TMEM132A: variants seen among roughly 807,000 people sequenced by gnomAD.
The protein encoded by TMEM132A is transmembrane protein 132A, also known as GRP78-binding protein.
TMEM132A carries 48 observed loss-of-function variants against 69.9 expected under a neutral mutation model. That is an observed-to-expected ratio of 0.69 (90% CI 0.55 to 0.87). The LOEUF (loss-of-function observed/expected upper bound fraction) is 0.87, where lower values mean the gene tolerates loss of function less well. Ranked by LOEUF, TMEM132A falls within the 40% of genes least tolerant of loss-of-function variation. TMEM132A has a pLI of 0.00. For synonymous variants in TMEM132A, 577 were observed against 613.7 expected, an observed-to-expected ratio of 0.94 and a Z score of 0.88; for missense variants, 1,287 against 1,407.2, an observed-to-expected ratio of 0.91 and a Z score of 1.37.
chr11:60,929,882 G>GA (rs1856438375), intron 4 of TMEM132A, among the ~76,000 whole-genome samples: 1 of 107,058 alleles, frequency 9.3e-6, no homozygotes, highest in African/African-American at 3.4e-5. Flanking sequence ...GCAAGGGCCA[G>GA]TCCCTATCTG....
At position 60,936,506 on chromosome 11, in the gene TMEM132A, C is replaced by A. The variant is rs770208171; in HGVS notation, c.2671C>A (p.Gln891Lys). 1.9e-6 allele frequency: 3 copies of A among 1,613,974 alleles called. No individual in the cohort carries two copies. The highest frequency in any genetic ancestry group is 2.7e-5 in the African/African-American group (2 of 74,950). Residue 891 changes from glutamine (Q) to lysine (K), a missense_variant, in exon 11 of 11, where the codon CAG (glutamine) becomes AAG (lysine). Coordinates refer to ENST00000453848, the MANE Select transcript of TMEM132A (RefSeq NM_178031.3). ...CAGTGCCACTGACCCCACCTCCCCC[C>A]AGCCCCACAACTGGGTCTGGCTGGG... is the stretch of plus-strand genomic sequence containing the variant. ...PDSATDPTSPQPHNWVWLGTD... is the reference protein window; with the variant it reads ...PDSATDPTSPKPHNWVWLGTD...
rs1230918644 is a variant in TMEM132A, at chr11:60,928,817, A to G, written c.723A>G (p.Pro241=). Residue 241 remains proline (P), a synonymous_variant, in exon 4 of 11, where the codon CCA becomes CCG. Coordinates refer to ENST00000453848, the MANE Select transcript of TMEM132A (RefSeq NM_178031.3). The part of the protein sequence containing the change: ...ALPVGGVELR[P]ADPPQYQEVP... ...CAGTGGGGGGTGTGGAGCTGCGCCC[A>G]GCAGACCCCCCGCAGTACCAGGAGG... The G allele has an allele frequency of 3.7e-6, 6 of 1,612,044 alleles. No individual in the cohort carries two copies. Among genetic ancestry groups the G allele is most frequent in the Middle Eastern group, 1.7e-4 (1 of 6,056 alleles).
Position 60,927,739 on chromosome 11 carries a change from C to A in TMEM132A, c.414C>A (p.Tyr138Ter), listed in dbSNP as rs748152203. ...CGGCTGTGACTCCAGCAGAGCCCTA[C>A]GCCCGGGTTCTCTTCCACCTCAAAG... ...VEAAVTPAEP[Y>*]ARVLFHLKGQ... Residue 138 changes from tyrosine (Y) to a stop codon, truncating the protein, a stop_gained, in exon 3 of 11, where the codon TAC becomes TAA. Transcript: ENST00000453848. LOFTEE classifies it high-confidence loss of function. 1 of 1,613,538 alleles carries A rather than the reference C, an allele frequency of 6.2e-7. No homozygotes were observed. Among genetic ancestry groups the A allele is most frequent in the Admixed American group, 1.7e-5 (1 of 60,026 alleles).
Position 60,936,685 on chromosome 11 carries a change from C to A in TMEM132A, c.2850C>A (p.Thr950=). 1.3e-6 allele frequency: 2 copies of A among 1,562,122 alleles called. No individual in the cohort carries two copies. The highest frequency in any genetic ancestry group is 8.7e-7 in the Non-Finnish European group (1 of 1,154,452). The change falls in exon 11 of 11, where the codon ACC becomes ACA. Residue 950 remains threonine (T), a synonymous_variant. Transcript: ENST00000453848. ...GGGGCACCACCAGCTCCTCAAGCACCCTGGCCCGAAAGGAGGCTGGGGGGC... is the reference window on the plus strand; with the variant it reads ...GGGGCACCACCAGCTCCTCAAGCACACTGGCCCGAAAGGAGGCTGGGGGGC... ...PPGGTTSSSS[T]LARKEAGGRR... is the part of the protein sequence containing the mutation.
At position 60,935,563 on chromosome 11, in the gene TMEM132A, T is replaced by G; in HGVS notation, c.2028+120T>G. The stretch of plus-strand genomic sequence containing the variant: ...CCCTTAGGGTTTTCAGAGTGAGGAC[T>G]GACTCTGTGAGGTAGTGAGCTCTCT... On this transcript the variant is annotated intron_variant, in intron 10 of 10. Coordinates refer to ENST00000453848, the MANE Select transcript of TMEM132A (RefSeq NM_178031.3). The surrounding 1 kb of genome is among the most constrained non-coding windows in gnomAD (Gnocchi z 5.0). 1.8e-6 allele frequency: 2 copies of G among 1,094,258 alleles called. No homozygotes were observed. The highest frequency in any genetic ancestry group is 3.1e-5 in the African/African-American group (2 of 63,716). The allele number at this position is 1,094,258 out of a possible 1,614,324, so 67.8% of individuals were successfully genotyped here.
chr11:60,927,201 C>T lies in TMEM132A; in HGVS notation c.101-3C>T. On this transcript the variant is annotated splice_polypyrimidine_tract_variant and splice_region_variant and intron_variant, in intron 1 of 10. Coordinates refer to ENST00000453848, the MANE Select transcript of TMEM132A (RefSeq NM_178031.3). ...ATCATCTCTCCCTCTTATGCCTCTT[C>T]AGTGGACTGTGGCCAGGCTCCCCTG... 1 of 1,612,106 alleles carries T rather than the reference C, an allele frequency of 6.2e-7. No homozygotes were observed. Among genetic ancestry groups the T allele is most frequent in the Non-Finnish European group, 8.5e-7 (1 of 1,179,794 alleles).
Position 60,936,310 on chromosome 11 carries a change from C to T in TMEM132A, c.2475C>T (p.Ala825=). The T allele has an allele frequency of 6.2e-7, 1 of 1,613,828 alleles. No individual in the cohort carries two copies. Residue 825 remains alanine (A), a synonymous_variant, in exon 11 of 11, where the codon GCC becomes GCT. Coordinates refer to ENST00000453848, the MANE Select transcript of TMEM132A (RefSeq NM_178031.3). ...AGGCCAGGAAGGAGGAGACCGAAGC[C>T]AGGGAGGAGGAGGAGGAAGAGGAGG... ...EEEARKEETE[A]REEEEEEEEE...
At chr11:60,930,914 C>G (rs1590626113) in intron 5 of TMEM132A, among the ~76,000 whole-genome samples, 1 of 152,196 alleles carries the variant, frequency 6.6e-6, no homozygotes, top group African/African-American at 2.4e-5. Flanking sequence ...AGATGCCAAC[C>G]AATCCTGTGC....
chr11:60,924,667 GC>G lies in TMEM132A; in HGVS notation c.38del (p.Pro13LeufsTer20). ...GCGGATGGCCGGTCGCACAACAGCG[GC>G]CCCTCGGGGGCCCTACGGCCCCTGG... ...CARMAGRTTA[A>X]PRGPYGPWLC... is the part of the protein sequence containing the mutation. On this transcript the variant is annotated frameshift_variant, in exon 1 of 11. Transcript: ENST00000453848. LOFTEE classifies it high-confidence loss of function. The G allele has an allele frequency of 6.3e-7, 1 of 1,594,320 alleles. No homozygotes were observed.
rs541456118 is a variant in TMEM132A at position 60,928,511 on chromosome 11, G to T, written c.535-118G>T. 5.9e-4 allele frequency: 581 copies of T among 980,748 alleles called. 3 individuals are homozygous for T. The South Asian group carries it at 8.7e-3, about 15-fold the overall frequency. The allele number at this position is 980,748 out of a possible 1,614,324, so 60.8% of individuals were successfully genotyped here. ...CACTCAGGCTGTGTCTCCGGCCCAT[G>T]CTGGGCCTCCCTTTCATGAGCCCCT... On this transcript the variant is annotated intron_variant, in intron 3 of 10. Coordinates refer to ENST00000453848, the MANE Select transcript of TMEM132A (RefSeq NM_178031.3).
At chr11:60,934,850 G>A (rs1590630015) in intron 9 of TMEM132A, 86 bp downstream of exon 9, 2 of 1,392,368 alleles carry the variant, frequency 1.4e-6, no homozygotes, top group East Asian at 2.4e-5. Flanking sequence ...TGAAGAGTGT[G>A]CCAGGAGCCC....
At chr11:60,933,814 A>C in intron 8 of TMEM132A, 70 bp downstream of exon 8, 1 of 1,404,188 alleles carries the variant, frequency 7.1e-7, no homozygotes, top group Non-Finnish European at 9.6e-7. Flanking sequence ...CGCAGGGGAC[A>C]CAGCCATGGG....
rs142666359 is a variant in TMEM132A at position 60,936,567 on chromosome 11, G to A, written c.2732G>A (p.Arg911Gln). ...GAGGAACTGAGCCGCCAGCTGGACC[G>A]GCAGTCCCCTGGCCCGCCCAAGGGG... ...DQEELSRQLD[R>Q]QSPGPPKGEG... is the part of the protein sequence containing the mutation. Residue 911 changes from arginine to glutamine, a missense_variant, in exon 11 of 11, where the codon CGG (arginine) becomes CAG (glutamine). Physicochemically the swap from Arg to Gln is conservative, Grantham distance 43 (BLOSUM62 1). Transcript: ENST00000453848. 3.5e-5 allele frequency: 57 copies of A among 1,609,106 alleles called. No individual in the cohort carries two copies. Among genetic ancestry groups the A allele is most frequent in the African/African-American group, 3.5e-4 (26 of 75,002 alleles).
chr11:60,934,106 A>G (rs1856539449), intron 8 of TMEM132A: 2 of 373,760 alleles, frequency 5.4e-6, no homozygotes, highest in Non-Finnish European at 9.5e-6. Context: ...GCCTAAGATG[A>G]CACAGAGCTC....
chr11:60,931,778 G>A lies in TMEM132A; in HGVS notation c.1106G>A (p.Trp369Ter), dbSNP rs1256425961. ...GTAGCGGTCACTCGCCCCGTCACGT[G>A]GCAGCTGGAGTACCCAGGCCAGGCC... ...GGVAVTRPVT[W>*]QLEYPGQAPE... The change falls in exon 6 of 11, where the codon TGG becomes TAG. Residue 369 changes from tryptophan to a stop codon, truncating the protein, a stop_gained. Transcript: ENST00000453848. LOFTEE classifies it high-confidence loss of function. The A allele has an allele frequency of 3.1e-6, 5 of 1,614,104 alleles. No homozygotes were observed. The African/African-American group carries it at 6.7e-5, about 22-fold the overall frequency.
rs1376522375 is a variant in TMEM132A, at chr11:60,928,775, TG to T, written c.685del (p.Glu229SerfsTer28). 6.2e-7 allele frequency: 1 copy of T among 1,609,912 alleles called. No individual in the cohort carries two copies. The highest frequency in any genetic ancestry group is 8.5e-7 in the Non-Finnish European group (1 of 1,178,958). ...GCGSGEENDPGEQALPVGGVE... is the reference protein window; with the variant it reads ...GCGSGEENDPXEQALPVGGVE... Reference sequence around the variant, plus strand: ...GTGGCTCCGGCGAGGAGAACGACCCTGGGGAGCAGGCCCTCCCAGTGGGGGG... The same window carrying T: ...GTGGCTCCGGCGAGGAGAACGACCCTGGGAGCAGGCCCTCCCAGTGGGGGG... On this transcript the variant is annotated frameshift_variant, in exon 4 of 11. Coordinates refer to ENST00000453848, the MANE Select transcript of TMEM132A (RefSeq NM_178031.3). LOFTEE classifies it high-confidence loss of function.
chr11:60,933,850 C>A, intron 8 of TMEM132A, 106 bp downstream of exon 8: 2 of 1,090,928 alleles, frequency 1.8e-6, no homozygotes, highest in Non-Finnish European at 2.6e-6. Context: ...GAAAAACTGC[C>A]CTGTTGCTTG....
At position 60,933,899 on chromosome 11, in the gene TMEM132A, C is replaced by T. The variant is rs551899488; in HGVS notation, c.1559+155C>T. The T allele has an allele frequency of 2.9e-4, 191 of 660,364 alleles. 1 individual carries two copies. The South Asian group carries it at 3.9e-3, about 13-fold the overall frequency. The allele number at this position is 660,364 out of a possible 1,614,324, so 40.9% of individuals were successfully genotyped here. ...CCACCTCCACCCTGGGCCGCCCAGC[C>T]AATGATCGCTTTCTGTGAAATTGCT... On this transcript the variant is annotated intron_variant, in intron 8 of 10. Transcript: ENST00000453848.
At chr11:60,933,238 C>G in intron 7 of TMEM132A, 1 of 368,562 alleles carries the variant, frequency 2.7e-6, no homozygotes, top group Non-Finnish European at 4.9e-6. Flanking sequence ...GGCTGGAGTG[C>G]AATGGTACAG....
Sources: gnomAD v4.1 joint callset for allele counts (sites outside exome capture counted in the v4.1 genomes callset) on GRCh38, gnomAD v4.1.1 for gene constraint, Gnocchi (gnomAD v3.1) non-coding constraint, MANE v1.5 for transcripts, NCBI Gene and HGNC (gene_info 2026-07-23, HGNC 2026-07-21) for gene names.